The following STX17 variants were observed in gnomAD, a reference collection of about 807,000 sequenced individuals.
STX17 encodes syntaxin-17.
In STX17, 29 loss-of-function variants were observed where a neutral mutation model predicts 35.9. The observed-to-expected ratio is 0.81, with a 90% confidence interval of 0.60 to 1.10. The LOEUF (loss-of-function observed/expected upper bound fraction) is 1.10, where lower values mean the gene tolerates loss of function less well. Among genes scored for constraint, STX17 ranks in the 50% least tolerant of loss-of-function variants. The pLI is 0.00. For synonymous variants in STX17, 92 were observed against 118.3 expected, an observed-to-expected ratio of 0.78 and a Z score of 1.44; for missense variants, 312 against 352.3, an observed-to-expected ratio of 0.89 and a Z score of 0.92.
chr9:99,969,267 T>A lies in STX17; in HGVS notation c.*594T>A, dbSNP rs1247426072. On this transcript the variant is annotated 3_prime_UTR_variant, in exon 8 of 8. Coordinates refer to ENST00000259400, the MANE Select transcript of STX17 (RefSeq NM_017919.3). ...AGGCTCAACTTCTCTTCCAAAAATC[T>A]TCTGGCTTCTGAACTCTTCCTCTGC... 2 of 152,192 alleles carry A rather than the reference T, an allele frequency of 1.3e-5. No homozygotes were observed. Among genetic ancestry groups the A allele is most frequent in the Non-Finnish European group, 2.9e-5 (2 of 68,034 alleles). 9.4% of individuals were successfully genotyped at this position (152,192 alleles called of 1,614,324 possible). A position where few individuals can be genotyped will look rare whatever the true frequency, so the allele number is the denominator to read the frequency against.
rs1026683289 is a variant in STX17, at chr9:99,971,227, CT to C, written c.*2557del. 2.3e-4 allele frequency among the ~76,000 whole-genome samples: 35 copies of C among 151,352 alleles called. No individual in the cohort carries two copies. Among genetic ancestry groups the C allele is most frequent in the Admixed American group, 2.3e-3 (35 of 15,206 alleles). On this transcript the variant is annotated 3_prime_UTR_variant, in exon 8 of 8. Coordinates refer to ENST00000259400, the MANE Select transcript of STX17 (RefSeq NM_017919.3). ...TGCAACAAGTTAGAAAGTGGGAACA[CT>C]TTGATTAATGTCTTAAAATTTGTGG...
chr9:99,967,049 T>TA (rs1013158676), intron 6 of STX17, among the ~76,000 whole-genome samples: 5 of 152,354 alleles, frequency 3.3e-5, no homozygotes, highest in East Asian at 1.9e-4. Context: ...GTCATGATTT[T>TA]AAAATGTATT....
chr9:99,928,790 A>G lies in STX17; in HGVS notation c.136A>G (p.Arg46Gly). The G allele has an allele frequency of 6.2e-7, 1 of 1,613,594 alleles. No homozygotes were observed. Among genetic ancestry groups the G allele is most frequent in the Non-Finnish European group, 8.5e-7 (1 of 1,179,656 alleles). Residue 46 changes from arginine (R) to glycine (G), a missense_variant, in exon 3 of 8, where the codon AGA becomes GGA. Physicochemically the swap from Arg to Gly is moderately radical, Grantham distance 125. Coordinates refer to ENST00000259400, the MANE Select transcript of STX17 (RefSeq NM_017919.3). ...TTCTTTTATATAGTATCAAAGGTGC[A>G]GAATCTGGGACAAGTTGCATGAAGA... is the stretch of plus-strand genomic sequence containing the variant. ...QINIEKYQRC[R>G]IWDKLHEEHI... is the part of the protein sequence containing the mutation.
At chr9:99,940,932 G>C (rs967893890) in intron 3 of STX17, among the ~76,000 whole-genome samples, 8 of 152,080 alleles carry the variant, frequency 5.3e-5, no homozygotes, top group Admixed American at 2.0e-4. Context: ...TCTAACTCTT[G>C]TGAACTAAAC....
rs932884876 is a variant in STX17 at position 99,974,129 on chromosome 9, G to A, written c.*5456G>A. ...TTTCTTAACCTTCAAAACAATGTCA[G>A]TGTTGTCACCTGTGCATTTGATAGC... is the stretch of plus-strand genomic sequence containing the variant. On this transcript the variant is annotated 3_prime_UTR_variant, in exon 8 of 8. Transcript: ENST00000259400. Among the ~76,000 whole-genome samples, 3 of 152,146 alleles carry A rather than the reference G, an allele frequency of 2.0e-5. No individual in the cohort carries two copies. The highest frequency in any genetic ancestry group is 2.9e-5 in the Non-Finnish European group (2 of 68,036).
chr9:99,952,745 T>C (rs528122807), intron 4 of STX17, among the ~76,000 whole-genome samples: 2 of 151,820 alleles, frequency 1.3e-5, no homozygotes, highest in African/African-American at 2.4e-5. Flanking sequence ...ATGGATGAAA[T>C]TGGAAATCAT....
At chr9:99,929,631 C>G (rs544281370) in intron 3 of STX17, among the ~76,000 whole-genome samples, 1 of 151,158 alleles carries the variant, frequency 6.6e-6, no homozygotes, top group South Asian at 2.1e-4. Flanking sequence ...AGGTGGAGCT[C>G]TAGGTTCCTA....
intron 3 of STX17, among the ~76,000 whole-genome samples, chr9:99,946,688 A>G (rs916075848): frequency 6.6e-6 from 1 of 152,126 alleles, no homozygotes; most frequent in African/African-American, 2.4e-5. Flanking sequence ...AAATTCTCTC[A>G]GCTTTTGTTT....
intron 2 of STX17, chr9:99,916,266 A>C: frequency 2.9e-6 from 1 of 338,994 alleles, no homozygotes; most frequent in Non-Finnish European, 5.8e-6. Flanking sequence ...GGAAACATCA[A>C]GTTTACTCAG....
At chr9:99,921,535 T>C (rs1828887469) in intron 2 of STX17, among the ~76,000 whole-genome samples, 1 of 151,640 alleles carries the variant, frequency 6.6e-6, no homozygotes, top group African/African-American at 2.4e-5. Flanking sequence ...AAGTCATTGA[T>C]GAAAATGTTG....
chr9:99,924,209 A>G (rs1276973758), intron 2 of STX17, among the ~76,000 whole-genome samples: 1 of 152,088 alleles, frequency 6.6e-6, no homozygotes, highest in Non-Finnish European at 1.5e-5. Flanking sequence ...ATGACCCACA[A>G]TCAGTTTAGA....
At chr9:99,961,815 A>G (rs1829831186) in intron 6 of STX17, among the ~76,000 whole-genome samples, 1 of 152,114 alleles carries the variant, frequency 6.6e-6, no homozygotes, top group Non-Finnish European at 1.5e-5. Context: ...CTCTTGCCCC[A>G]ATTTCTAAAA....
At chr9:99,933,165 C>T (rs760250645) in intron 3 of STX17, among the ~76,000 whole-genome samples, 13 of 152,084 alleles carry the variant, frequency 8.5e-5, no homozygotes, top group Non-Finnish European at 1.2e-4. Context: ...TCTTGAAAAT[C>T]ACTTGTGTGT....
At chr9:99,910,927 G>A (rs75785319) in intron 1 of STX17, among the ~76,000 whole-genome samples, 2,358 of 152,048 alleles carry the variant, frequency 0.016, 59 homozygotes, top group African/African-American at 0.054. Context: ...GCCCAGGCTG[G>A]CTTCTAATTT....
intron 2 of STX17, among the ~76,000 whole-genome samples, chr9:99,916,426 TA>T (rs1828773118): frequency 7.3e-6 from 1 of 136,796 alleles, no homozygotes; most frequent in South Asian, 2.3e-4. Context: ...TTTATTTATT[TA>T]TTTATTCATT....
chr9:99,913,019 A>G (rs927058908), intron 1 of STX17, among the ~76,000 whole-genome samples: 2 of 151,822 alleles, frequency 1.3e-5, no homozygotes, highest in African/African-American at 2.4e-5. Context: ...GAATATACCA[A>G]CTCTCTCAGC....
rs1830010022 is a variant in STX17, at chr9:99,971,209, A to AGTT, written c.*2537_*2539dup. On this transcript the variant is annotated 3_prime_UTR_variant, in exon 8 of 8. Coordinates refer to ENST00000259400, the MANE Select transcript of STX17 (RefSeq NM_017919.3). ...TCCATGTCTTATTTTTACTGCAACA[A>AGTT]GTTAGAAAGTGGGAACACTTTGATT... Among the ~76,000 whole-genome samples the AGTT allele has an allele frequency of 6.6e-6, 1 of 152,142 alleles. No individual in the cohort carries two copies. The highest frequency in any genetic ancestry group is 2.4e-5 in the African/African-American group (1 of 41,426).
Position 99,971,457 on chromosome 9 carries a change from T to C in STX17, c.*2784T>C, listed in dbSNP as rs1830013717. On this transcript the variant is annotated 3_prime_UTR_variant, in exon 8 of 8. Transcript: ENST00000259400. The stretch of plus-strand genomic sequence containing the variant: ...TTTTATTGTTTCAGTTTTTAAAATA[T>C]GCCAGTTGCAACCCACTAAATTGAT... 6.6e-6 allele frequency among the ~76,000 whole-genome samples: 1 copy of C among 152,096 alleles called. No homozygotes were observed. Among genetic ancestry groups the C allele is most frequent in the Admixed American group, 6.6e-5 (1 of 15,254 alleles).
Position 99,972,560 on chromosome 9 carries a change from G to A in STX17, c.*3887G>A, listed in dbSNP as rs918683109. Among the ~76,000 whole-genome samples, 3 of 152,166 alleles carry A rather than the reference G, an allele frequency of 2.0e-5. No homozygotes were observed. Among genetic ancestry groups the A allele is most frequent in the African/African-American group, 7.2e-5 (3 of 41,440 alleles). On this transcript the variant is annotated 3_prime_UTR_variant, in exon 8 of 8. Coordinates refer to ENST00000259400, the MANE Select transcript of STX17 (RefSeq NM_017919.3). ...GTGCTGTACAGGGAGAATTGCATGA[G>A]TCCAGAAACTTCCTTCTGTGGGCTG...
Sources: gnomAD v4.1 joint callset for allele counts (sites outside exome capture counted in the v4.1 genomes callset) on GRCh38, gnomAD v4.1.1 for gene constraint, MANE v1.5 for transcripts, NCBI Gene and HGNC (gene_info 2026-07-23, HGNC 2026-07-21) for gene names.